THSD7B: variants seen among roughly 807,000 people sequenced by gnomAD.
THSD7B encodes the protein thrombospondin type-1 domain-containing protein 7B.
Under a neutral mutation model 213.6 loss-of-function variants are expected in THSD7B, and 138 were observed. That is an observed-to-expected ratio of 0.65 (90% confidence interval 0.56 to 0.74). The LOEUF (loss-of-function observed/expected upper bound fraction) is 0.74, where lower values mean the gene tolerates loss of function less well. Among genes scored for constraint, THSD7B ranks in the 30% least tolerant of loss-of-function variants. THSD7B has a pLI of 0.00. For synonymous variants in THSD7B, 742 were observed against 687.0 expected (o/e 1.08, Z -1.25); for missense variants, 1,931 against 1,991.5 (o/e 0.97, Z 0.58).
At chr2:137,670,803 C>T (rs747004708) in intron 27 of THSD7B, among the ~76,000 whole-genome samples, 75 of 151,862 alleles carry the variant, frequency 4.9e-4, no homozygotes, top group Non-Finnish European at 7.9e-4. Flanking sequence ...CGCCTGTAGT[C>T]CCAGCTACTC....
At chr2:137,260,836 C>A (rs935644626) in intron 10 of THSD7B, among the ~76,000 whole-genome samples, 2 of 152,146 alleles carry the variant, frequency 1.3e-5, no homozygotes, top group African/African-American at 4.8e-5. Context: ...TTGTTGGAAG[C>A]TAATGTCTCC....
At chr2:136,823,389 G>A (rs1682595821) in intron 1 of THSD7B, among the ~76,000 whole-genome samples, 1 of 152,156 alleles carries the variant, frequency 6.6e-6, no homozygotes, top group Admixed American at 6.5e-5. Flanking sequence ...GCTTTGGTTA[G>A]CAGAAAGCAG....
chr2:137,117,429 A>G (rs1688464392), intron 5 of THSD7B, among the ~76,000 whole-genome samples: 1 of 152,202 alleles, frequency 6.6e-6, no homozygotes. Flanking sequence ...AAAATTGGAT[A>G]CATTTTTAGC....
At chr2:137,290,467 C>G (rs1361019883) in intron 12 of THSD7B, among the ~76,000 whole-genome samples, 1 of 152,234 alleles carries the variant, frequency 6.6e-6, no homozygotes, top group South Asian at 2.1e-4. Context: ...TGTCTCTCTA[C>G]TGCTCAGATC....
At chr2:137,031,683 T>G (rs1438258126) in intron 2 of THSD7B, among the ~76,000 whole-genome samples, 1 of 92,008 alleles carries the variant, frequency 1.1e-5, no homozygotes, top group Non-Finnish European at 3.1e-5. Flanking sequence ...CAACATGTAT[T>G]TGACAAATAA....
intron 2 of THSD7B, among the ~76,000 whole-genome samples, chr2:137,025,579 C>T (rs1686537403): frequency 6.6e-6 from 1 of 152,162 alleles, no homozygotes; most frequent in East Asian, 1.9e-4. Flanking sequence ...TGGCAGACAG[C>T]TCTCTTCTGT....
intron 17 of THSD7B, among the ~76,000 whole-genome samples, chr2:137,584,532 G>A (rs1382542576): frequency 2.0e-5 from 3 of 152,162 alleles, no homozygotes; most frequent in Admixed American, 1.3e-4. Flanking sequence ...TTTATTGAGA[G>A]TTTTTAGCAT....
At chr2:137,067,876 G>T (rs1687410467) in intron 3 of THSD7B, among the ~76,000 whole-genome samples, 1 of 151,998 alleles carries the variant, frequency 6.6e-6, no homozygotes, top group Non-Finnish European at 1.5e-5. Flanking sequence ...TATCTTCACT[G>T]TGAGAACCTG....
chr2:137,096,566 G>A (rs1453937730), intron 4 of THSD7B, among the ~76,000 whole-genome samples: 1 of 152,168 alleles, frequency 6.6e-6, no homozygotes, highest in Non-Finnish European at 1.5e-5. Context: ...TGCAGAAGAT[G>A]GAGATGCAGT....
intron 1 of THSD7B, among the ~76,000 whole-genome samples, chr2:136,847,056 G>T (rs1475714621): frequency 1.3e-5 from 2 of 151,968 alleles, no homozygotes; most frequent in Admixed American, 1.3e-4. Context: ...TTTTACAGCT[G>T]AATTAAAGGT....
At chr2:137,369,335 A>G (rs575361673) in intron 12 of THSD7B, among the ~76,000 whole-genome samples, 1 of 152,236 alleles carries the variant, frequency 6.6e-6, no homozygotes, top group Admixed American at 6.5e-5. Flanking sequence ...AGTCTTTCAA[A>G]TTGATTTCTG....
intron 10 of THSD7B, among the ~76,000 whole-genome samples, chr2:137,244,250 T>C (rs1482837665): frequency 6.6e-6 from 1 of 152,250 alleles, no homozygotes; most frequent in African/African-American, 2.4e-5. Context: ...GATGGAGTTT[T>C]GTTGATATTT....
At chr2:137,223,111 G>T (rs1681408042) in intron 7 of THSD7B, among the ~76,000 whole-genome samples, 1 of 152,134 alleles carries the variant, frequency 6.6e-6, no homozygotes, top group Non-Finnish European at 1.5e-5. Context: ...TTATCATGTG[G>T]GGATAGTCCT....
rs368014191 is a variant in THSD7B at position 137,503,703 on chromosome 2, C to T, written c.3138+52680C>T. On this transcript the variant is annotated intron_variant, in intron 15 of 27. Transcript: ENST00000409968. The stretch of plus-strand genomic sequence containing the variant: ...AACCCTAGTTCCCTCCTCTGTTAAG[C>T]GGAAACAACACCCACTTATAGAGTA... Among the ~76,000 whole-genome samples, 11 of 152,164 alleles carry T rather than the reference C, an allele frequency of 7.2e-5. 1 individual carries two copies. In the East Asian group the frequency reaches 9.7e-4, roughly 13 times the overall value.
chr2:137,411,464 G>A, intron 13 of THSD7B, 145 bp from the exon 14 acceptor site: 1 of 738,708 alleles, frequency 1.4e-6, no homozygotes, highest in Non-Finnish European at 2.1e-6. Flanking sequence ...GTTGTCTCAG[G>A]ATTTACTTTC....
chr2:137,659,536 C>T, intron 24 of THSD7B, 128 bp from the exon 25 acceptor site: 1 of 790,890 alleles, frequency 1.3e-6, no homozygotes, highest in Non-Finnish European at 2.0e-6. Context: ...ACAATGTTGG[C>T]AAATAGATTT....
Position 136,902,510 on chromosome 2 carries a change from G to A in THSD7B, c.139+20193G>A, listed in dbSNP as rs965026382. On this transcript the variant is annotated intron_variant, in intron 2 of 27. Transcript: ENST00000409968. ...CAGCAGAGATGGAACTGGGCCATGC[G>A]CCCTCTGAGTCTGTCCTCCCCTTTG... is the stretch of plus-strand genomic sequence containing the variant. 5.3e-5 allele frequency among the ~76,000 whole-genome samples: 8 copies of A among 152,272 alleles called. No homozygotes were observed. The East Asian group carries it at 1.4e-3, about 26-fold the overall frequency.
rs145466126 is a variant in THSD7B, at chr2:137,064,080, C to A, written c.950+6850C>A. Among the ~76,000 whole-genome samples, 7 of 152,032 alleles carry A rather than the reference C, an allele frequency of 4.6e-5. No individual in the cohort carries two copies. In the East Asian group the frequency reaches 1.4e-3, roughly 29 times the overall value. On this transcript the variant is annotated intron_variant, in intron 3 of 27. Coordinates refer to ENST00000409968, the MANE Select transcript of THSD7B (RefSeq NM_001316349.2). ...GCTCTATTTTTAGTTTTTCGAGGAG[C>A]CTCTAAACTGTTCTCCATAGTGGTT... is the stretch of plus-strand genomic sequence containing the variant.
intron 2 of THSD7B, among the ~76,000 whole-genome samples, chr2:136,946,335 C>A (rs1684936976): frequency 6.6e-6 from 1 of 152,062 alleles, no homozygotes; most frequent in Non-Finnish European, 1.5e-5. Context: ...ATATTGCTGC[C>A]CGATCCTTCC....
Sources: gnomAD v4.1 joint callset for allele counts (sites outside exome capture counted in the v4.1 genomes callset) on GRCh38, gnomAD v4.1.1 for gene constraint, MANE v1.5 for transcripts, NCBI Gene and HGNC (gene_info 2026-07-23, HGNC 2026-07-21) for gene names.